Variants in CLYBL observed in about 807,000 individuals in gnomAD.
CLYBL encodes the protein citramalyl-CoA lyase.
CLYBL carries 31 observed loss-of-function variants against 38.9 expected under a neutral mutation model. The ratio of observed to expected loss-of-function variants is 0.80; its 90% CI spans 0.60 to 1.08. The LOEUF (loss-of-function observed/expected upper bound fraction) is 1.08, where lower values mean the gene tolerates loss of function less well. Among genes scored for constraint, CLYBL ranks in the 50% least tolerant of loss-of-function variants. CLYBL has a pLI of 0.00. For synonymous variants in CLYBL, 171 were observed against 158.6 expected (o/e 1.08, Z -0.59); for missense variants, 434 against 411.6 (o/e 1.05, Z -0.47).
intron 2 of CLYBL, among the ~76,000 whole-genome samples, chr13:99,848,123 C>G (rs1451603341): frequency 6.6e-6 from 1 of 152,140 alleles, no homozygotes; most frequent in Non-Finnish European, 1.5e-5. Context: ...TCTGCACTTA[C>G]TGAAATCCTG....
intron 1 of CLYBL, among the ~76,000 whole-genome samples, chr13:99,674,483 G>T (rs1222665869): frequency 6.6e-6 from 1 of 152,052 alleles, no homozygotes; most frequent in Non-Finnish European, 1.5e-5. Flanking sequence ...GAGGTATGAA[G>T]TAGGCAGTTT....
At chr13:99,866,219 C>T in intron 5 of CLYBL, 21 bp from the exon 6 acceptor site, 1 of 1,608,834 alleles carries the variant, frequency 6.2e-7, no homozygotes. Context: ...CCTCCTTTTT[C>T]TGTTAACATC....
chr13:99,687,726 G>T (rs759350730), intron 1 of CLYBL, among the ~76,000 whole-genome samples: 3 of 152,186 alleles, frequency 2.0e-5, no homozygotes, highest in Non-Finnish European at 2.9e-5. Context: ...TACCTGGTCA[G>T]GGACCAGGCT....
chr13:99,802,304 A>G (rs1199120289), intron 2 of CLYBL, among the ~76,000 whole-genome samples: 3 of 152,148 alleles, frequency 2.0e-5, no homozygotes, highest in Non-Finnish European at 1.5e-5. Flanking sequence ...CCATGTAAGA[A>G]TTTGGGGGGG....
intron 1 of CLYBL, among the ~76,000 whole-genome samples, chr13:99,709,086 C>CT (rs2048188887): frequency 6.6e-6 from 1 of 151,474 alleles, no homozygotes; most frequent in Admixed American, 6.6e-5. Flanking sequence ...GAGCGAGACT[C>CT]TGTCTAAAAA....
intron 2 of CLYBL, among the ~76,000 whole-genome samples, chr13:99,781,130 A>G (rs778337363): frequency 2.0e-5 from 3 of 149,718 alleles, no homozygotes; most frequent in Non-Finnish European, 3.0e-5. Flanking sequence ...TCCTTTTAAA[A>G]TATATATATA....
chr13:99,852,066 T>G (rs1173217691), intron 2 of CLYBL, among the ~76,000 whole-genome samples: 1 of 152,158 alleles, frequency 6.6e-6, no homozygotes, highest in Non-Finnish European at 1.5e-5. Flanking sequence ...ACATACTAAG[T>G]GAAAGAAGGC....
At chr13:99,614,138 GA>G (rs2046671259) in intron 1 of CLYBL, among the ~76,000 whole-genome samples, 1 of 152,070 alleles carries the variant, frequency 6.6e-6, no homozygotes, top group African/African-American at 2.4e-5. Flanking sequence ...TGCAGGGCAG[GA>G]TACAGAGCCC....
chr13:99,864,936 T>A, intron 5 of CLYBL, 25 bp downstream of exon 5: 1 of 1,494,768 alleles, frequency 6.7e-7, no homozygotes, highest in African/African-American at 1.5e-5. Context: ...TCTCTCTCTC[T>A]TTTTCTGTGT....
At chr13:99,899,159 G>A (rs2052614965), downstream of CLYBL, among the ~76,000 whole-genome samples, 1 of 152,160 alleles carries the variant, frequency 6.6e-6, no homozygotes, top group Admixed American at 6.5e-5. Flanking sequence ...TCAGAGAGAT[G>A]CGCCACTTCC....
chr13:99,853,584 C>CAACACTCACCTGA (rs926462166), intron 2 of CLYBL, among the ~76,000 whole-genome samples: 1 of 152,018 alleles, frequency 6.6e-6, no homozygotes, highest in Non-Finnish European at 1.5e-5. Context: ...ATAGAAAACT[C>CAACACTCACCTGA]AACACTCACC....
intron 6 of CLYBL, among the ~76,000 whole-genome samples, chr13:99,868,975 T>A (rs1347754241): frequency 6.6e-6 from 1 of 152,176 alleles, no homozygotes; most frequent in Admixed American, 6.5e-5. Context: ...AAGGATTTCA[T>A]GGTCATAAAT....
intron 2 of CLYBL, among the ~76,000 whole-genome samples, chr13:99,838,059 A>ATGAT (rs1182616997): frequency 1.3e-5 from 2 of 152,364 alleles, no homozygotes; most frequent in East Asian, 1.9e-4. Flanking sequence ...CAGTTTAAAA[A>ATGAT]TGATAGTTTT....
intron 2 of CLYBL, among the ~76,000 whole-genome samples, chr13:99,791,582 T>A (rs1428339461): frequency 6.6e-6 from 1 of 152,188 alleles, no homozygotes; most frequent in Non-Finnish European, 1.5e-5. Context: ...TAATTCCACA[T>A]CTTTGTACCT....
intron 2 of CLYBL, among the ~76,000 whole-genome samples, chr13:99,830,794 A>C (rs895783383): frequency 5.9e-5 from 9 of 152,228 alleles, no homozygotes. Context: ...TGTTCATGGA[A>C]TATGCTTCCA....
chr13:99,811,999 T>A (rs964018417), intron 2 of CLYBL, among the ~76,000 whole-genome samples: 1 of 152,206 alleles, frequency 6.6e-6, no homozygotes, highest in East Asian at 1.9e-4. Context: ...CTGTATCCAC[T>A]ATTCCAAAAT....
intron 1 of CLYBL, among the ~76,000 whole-genome samples, chr13:99,632,047 G>A (rs2046953761): frequency 6.6e-6 from 1 of 152,308 alleles, no homozygotes; most frequent in African/African-American, 2.4e-5. Flanking sequence ...TACTCCCAAA[G>A]CTAATTAAGT....
chr13:99,862,289 GT>G (rs1394464389), intron 3 of CLYBL, among the ~76,000 whole-genome samples: 6 of 152,026 alleles, frequency 3.9e-5, no homozygotes, highest in East Asian at 1.9e-4. Flanking sequence ...TTTAGAGTGT[GT>G]TTTTTTCCCC....
At chr13:99,632,442 C>T (rs541098171) in intron 1 of CLYBL, among the ~76,000 whole-genome samples, 214 of 152,228 alleles carry the variant, frequency 1.4e-3, no homozygotes, top group African/African-American at 5.0e-3. Flanking sequence ...GTCCAGTGTC[C>T]TATCAGAAAC....
Sources: gnomAD v4.1 joint callset for allele counts (sites outside exome capture counted in the v4.1 genomes callset) on GRCh38, gnomAD v4.1.1 for gene constraint, MANE v1.5 for transcripts, NCBI Gene and HGNC (gene_info 2026-07-23, HGNC 2026-07-21) for gene names.